PHF21A: variants seen among roughly 807,000 people sequenced by gnomAD.
PHF21A encodes the protein PHD finger protein 21A.
PHF21A carries 11 observed loss-of-function variants against 82.5 expected under a neutral mutation model. That is an observed-to-expected ratio of 0.13 (90% CI 0.08 to 0.22). The LOEUF is 0.22. Among genes scored for constraint, PHF21A ranks in the 10% least tolerant of loss-of-function variants. PHF21A has a pLI of 1.00. For synonymous variants in PHF21A, 297 were observed against 302.8 expected, an observed-to-expected ratio of 0.98 and a Z score of 0.20; for missense variants, 579 against 837.8, an observed-to-expected ratio of 0.69 and a Z score of 3.81.
intron 6 of PHF21A, among the ~76,000 whole-genome samples, chr11:45,988,877 C>T (rs1270569695): frequency 6.6e-6 from 1 of 151,848 alleles, no homozygotes; most frequent in African/African-American, 2.4e-5. Context: ...GGTGACAGAG[C>T]GAGACTGTCT....
At position 45,979,786 on chromosome 11, in the gene PHF21A, C is replaced by G; in HGVS notation, c.334G>C (p.Ala112Pro). The change falls in exon 7 of 19, where the codon GCC (alanine) becomes CCC (proline). Residue 112 changes from alanine (A) to proline (P), a missense_variant. By Grantham distance (27) the Ala-to-Pro change is conservative. Coordinates refer to ENST00000676320, the MANE Select transcript of PHF21A (RefSeq NM_001352027.3). ...HHHHAQQSAA[A>P]SPNLTASQKT... ...TGTGAAGCAGTCAGGTTGGGAGAGG[C>G]TGCAGCTGACTGCTGGGCGTGGTGG... 1 of 1,614,028 alleles carries G rather than the reference C, an allele frequency of 6.2e-7. No individual in the cohort carries two copies. The highest frequency in any genetic ancestry group is 8.5e-7 in the Non-Finnish European group (1 of 1,180,026).
At chr11:46,045,265 T>C (rs1158902003) in intron 6 of PHF21A, among the ~76,000 whole-genome samples, 1 of 152,248 alleles carries the variant, frequency 6.6e-6, no homozygotes, top group Non-Finnish European at 1.5e-5. Context: ...CTACCATGTG[T>C]GTTTATTTCT....
At chr11:45,947,784 A>AAAC (rs2091512750) in intron 14 of PHF21A, among the ~76,000 whole-genome samples, 1 of 152,158 alleles carries the variant, frequency 6.6e-6, no homozygotes, top group African/African-American at 2.4e-5. Flanking sequence ...GCACAAAACA[A>AAAC]AACAAAACAA....
intron 6 of PHF21A, among the ~76,000 whole-genome samples, chr11:46,017,989 G>A (rs753075835): frequency 3.3e-5 from 5 of 152,090 alleles, no homozygotes; most frequent in African/African-American, 1.2e-4. Context: ...GGTGGCTCAC[G>A]CCTGTAATCC....
chr11:45,965,780 G>T (rs894777812), intron 9 of PHF21A, among the ~76,000 whole-genome samples, 172 bp from the exon 10 acceptor site: 2 of 152,012 alleles, frequency 1.3e-5, no homozygotes, highest in African/African-American at 2.4e-5. Context: ...AGACTCATCA[G>T]CTCTTGAGGT....
chr11:46,036,066 A>C (rs150695006), intron 6 of PHF21A, among the ~76,000 whole-genome samples: 1 of 152,348 alleles, frequency 6.6e-6, no homozygotes, highest in Admixed American at 6.5e-5. Context: ...GCATGGGCTA[A>C]AGTAGTGCTT....
chr11:45,948,964 G>A lies in PHF21A; in HGVS notation c.1228-18C>T. 6.2e-7 allele frequency: 1 copy of A among 1,607,892 alleles called. No individual in the cohort carries two copies. The highest frequency in any genetic ancestry group is 8.5e-7 in the Non-Finnish European group (1 of 1,174,386). ...TTCTTACGCTTTGAGGGTTGAAGGA[G>A]GAAAGGTGACTGTTGAGTAGTGTGG... On this transcript the variant is annotated intron_variant, in intron 13 of 18. Coordinates refer to ENST00000676320, the MANE Select transcript of PHF21A (RefSeq NM_001352027.3).
At chr11:46,080,151 A>C (rs1261585154) in intron 4 of PHF21A, among the ~76,000 whole-genome samples, 1 of 151,702 alleles carries the variant, frequency 6.6e-6, no homozygotes, top group Non-Finnish European at 1.5e-5. Flanking sequence ...TATACTATAT[A>C]TTTATCTAAC....
intron 15 of PHF21A, among the ~76,000 whole-genome samples, chr11:45,940,071 G>A (rs973222116): frequency 1.3e-5 from 2 of 152,100 alleles, no homozygotes; most frequent in African/African-American, 2.4e-5. Context: ...GGAACACATC[G>A]TCATGGACCT....
Position 45,953,751 on chromosome 11 carries a change from T to C in PHF21A, c.997-126A>G, listed in dbSNP as rs201837972. On this transcript the variant is annotated intron_variant, in intron 10 of 18. Transcript: ENST00000676320. ...CATATTCAAATGTGGAACATATTAA[T>C]AAAAAGGTTAGTATTATAGATTTCA... 178 of 648,164 alleles carry C rather than the reference T, an allele frequency of 2.7e-4. 2 individuals carry two copies. In the East Asian group the frequency reaches 4.1e-3, roughly 15 times the overall value. 40.2% of individuals were successfully genotyped at this position (648,164 alleles called of 1,614,324 possible).
intron 6 of PHF21A, among the ~76,000 whole-genome samples, chr11:46,075,342 T>A (rs1335957222): frequency 6.6e-6 from 1 of 152,156 alleles, no homozygotes; most frequent in Non-Finnish European, 1.5e-5. Context: ...ACTAATCAGT[T>A]CTCACCTTCT....
intron 1 of PHF21A, among the ~76,000 whole-genome samples, chr11:46,113,175 A>G (rs1196752328): frequency 6.6e-6 from 1 of 152,262 alleles, no homozygotes; most frequent in Non-Finnish European, 1.5e-5. Flanking sequence ...TCTGAAGTTA[A>G]GCAAAAACTG....
chr11:46,092,635 A>T, intron 1 of PHF21A, among the ~76,000 whole-genome samples: 1 of 151,938 alleles, frequency 6.6e-6, no homozygotes, highest in East Asian at 1.9e-4. Flanking sequence ...CATAAAAGGC[A>T]TTTTTTTCAA....
At chr11:45,952,354 A>G (rs927886447) in intron 11 of PHF21A, among the ~76,000 whole-genome samples, 21 of 151,900 alleles carry the variant, frequency 1.4e-4, no homozygotes, top group African/African-American at 5.1e-4. Flanking sequence ...TGATCCTCCC[A>G]CCTCAGCCTC....
intron 18 of PHF21A, chr11:45,934,646 C>A: frequency 4.0e-6 from 1 of 252,810 alleles, no homozygotes; most frequent in Non-Finnish European, 7.8e-6. Flanking sequence ...CAGGACTGGA[C>A]TGAGCTCTCC....
chr11:46,030,036 C>T (rs2095833940), intron 6 of PHF21A, among the ~76,000 whole-genome samples: 1 of 152,178 alleles, frequency 6.6e-6, no homozygotes. Flanking sequence ...ACGCTCTGTA[C>T]AAGAAGAGAG....
At chr11:46,013,165 T>C (rs1206478076) in intron 6 of PHF21A, among the ~76,000 whole-genome samples, 1 of 152,164 alleles carries the variant, frequency 6.6e-6, no homozygotes, top group African/African-American at 2.4e-5. Context: ...GGTAAGAGAT[T>C]AACAACACCT....
chr11:46,006,374 GAATT>G (rs2095295288), intron 6 of PHF21A, among the ~76,000 whole-genome samples: 1 of 152,186 alleles, frequency 6.6e-6, no homozygotes, highest in East Asian at 1.9e-4. Context: ...GTCAAATCCA[GAATT>G]AATAAGCACC....
At chr11:45,975,089 G>A (rs932366463) in intron 7 of PHF21A, among the ~76,000 whole-genome samples, 8 of 151,990 alleles carry the variant, frequency 5.3e-5, no homozygotes, top group Non-Finnish European at 8.8e-5. Flanking sequence ...TAAGGTGGGC[G>A]GATCACTTAA....
Sources: allele counts gnomAD v4.1 joint callset (sites outside exome capture counted in the v4.1 genomes callset), GRCh38; gene constraint gnomAD v4.1.1; transcripts MANE v1.5; gene names NCBI Gene and HGNC (gene_info 2026-07-23, HGNC 2026-07-21).